The following SOHLH1 variants were observed in gnomAD, a reference collection of about 807,000 sequenced individuals.
The protein encoded by SOHLH1 is spermatogenesis and oogenesis specific basic helix-loop-helix 1, also known as spermatogenesis- and oogenesis-specific basic helix-loop-helix-containing protein 1.
In SOHLH1, 23 loss-of-function variants were observed where a neutral mutation model predicts 36.2. The observed-to-expected ratio is 0.64, with a 90% CI of 0.46 to 0.90. The LOEUF is 0.90. Ranked by LOEUF, SOHLH1 falls within the 40% of genes least tolerant of loss-of-function variation. SOHLH1 has a pLI of 0.00. For missense variants in SOHLH1, 608 were observed against 517.0 expected (o/e 1.18, Z -1.71); for synonymous variants, 289 against 228.3 (o/e 1.27, Z -2.40).
chr9:135,697,769 G>C (rs898174025), intron 3 of SOHLH1, 142 bp from the exon 4 acceptor site: 15 of 1,009,738 alleles, frequency 1.5e-5, no homozygotes, highest in Non-Finnish European at 1.8e-5. Context: ...CGAGAGTACA[G>C]GTTGACAACG....
At position 135,695,145 on chromosome 9, in the gene SOHLH1, G is replaced by T; in HGVS notation, c.780C>A (p.Ala260=). ...GCCCAGCCTGGCCCAGCCAGCCAAG[G>T]GCCTCCCCGCTCATCACGGGCAAGG... is the stretch of plus-strand genomic sequence containing the variant. ...QQTLPVMSGE[A]LGWLGQAGPL... is the part of the protein sequence containing the mutation. The change falls in exon 6 of 8, where the codon GCC becomes GCA. Residue 260 remains alanine (A), a synonymous_variant. Transcript: ENST00000425225. 2 of 1,599,656 alleles carry T rather than the reference G, an allele frequency of 1.3e-6. No individual in the cohort carries two copies. Among genetic ancestry groups the T allele is most frequent in the Non-Finnish European group, 1.7e-6 (2 of 1,174,998 alleles).
chr9:135,697,191 G>A (rs531814712), intron 4 of SOHLH1, among the ~76,000 whole-genome samples: 2 of 152,342 alleles, frequency 1.3e-5, no homozygotes, highest in South Asian at 2.1e-4. Flanking sequence ...CCCATGGGGA[G>A]GAGTATGACA....
chr9:135,694,458 C>G lies in SOHLH1; in HGVS notation c.876-1G>C. ...GTCCACATCAGACCCCAACGCAGAC[C>G]TGGAAGCGACAAGCTCTTCCTCAGT... On this transcript the variant is annotated splice_acceptor_variant, in intron 6 of 7. Transcript: ENST00000425225. LOFTEE classifies it high-confidence loss of function. 1 of 1,613,034 alleles carries G rather than the reference C, an allele frequency of 6.2e-7. No homozygotes were observed. The highest frequency in any genetic ancestry group is 8.5e-7 in the Non-Finnish European group (1 of 1,179,958).
At chr9:135,700,492 T>A (rs998901244), upstream of SOHLH1, among the ~76,000 whole-genome samples, 2 of 151,076 alleles carry the variant, frequency 1.3e-5, no homozygotes, top group Admixed American at 1.3e-4. Context: ...GCCTGGCTCG[T>A]GCTGAGGTCG....
At chr9:135,697,303 G>A (rs990991500) in intron 4 of SOHLH1, among the ~76,000 whole-genome samples, 3 of 152,144 alleles carry the variant, frequency 2.0e-5, no homozygotes, top group Admixed American at 6.5e-5. Flanking sequence ...TCTGCTGACC[G>A]CGCTCCCCCC....
chr9:135,700,406 G>C (rs1834990128), upstream of SOHLH1, among the ~76,000 whole-genome samples: 1 of 152,040 alleles, frequency 6.6e-6, no homozygotes, highest in Non-Finnish European at 1.5e-5. Context: ...CTTTCACGGA[G>C]GTTGCGGGGG....
chr9:135,693,536 C>A lies in SOHLH1; in HGVS notation c.*61G>T. ...CAAAATAAAATGCCCAAGCACGCGA[C>A]AGGGACACACACGGCTCCAGATCCA... On this transcript the variant is annotated 3_prime_UTR_variant, in exon 8 of 8. Transcript: ENST00000425225. 6.6e-7 allele frequency: 1 copy of A among 1,504,888 alleles called. No homozygotes were observed. Among genetic ancestry groups the A allele is most frequent in the Non-Finnish European group, 8.9e-7 (1 of 1,119,166 alleles). 93.2% of individuals were successfully genotyped at this position (1,504,888 alleles called of 1,614,324 possible).
upstream of SOHLH1, among the ~76,000 whole-genome samples, chr9:135,700,467 G>C (rs1042311207): frequency 2.0e-5 from 3 of 152,040 alleles, no homozygotes; most frequent in African/African-American, 7.2e-5. Context: ...CTGGACTGTT[G>C]GGAGGACATC....
upstream of SOHLH1, among the ~76,000 whole-genome samples, chr9:135,700,485 T>C (rs1251294912): frequency 1.3e-5 from 2 of 149,638 alleles, no homozygotes; most frequent in Admixed American, 6.7e-5. Flanking sequence ...ATCCCTGGCC[T>C]GGCTCGTGCT....
chr9:135,699,078 G>T lies in SOHLH1; in HGVS notation c.114C>A (p.Gly38=), dbSNP rs142235622. The change falls in exon 2 of 8, where the codon GGC becomes GGA. Residue 38 remains glycine (G), a synonymous_variant. Coordinates refer to ENST00000425225, the MANE Select transcript of SOHLH1 (RefSeq NM_001101677.2). ...CCGTAGGGGCCTTGGGCGGGCCCGAGCCCCGGGCCGAGTCCTCGCAGCAGG... is the reference window on the plus strand; with the variant it reads ...CCGTAGGGGCCTTGGGCGGGCCCGATCCCCGGGCCGAGTCCTCGCAGCAGG... ...ALSCCEDSAR[G]SGPPKAPTVA... is the part of the protein sequence containing the mutation. 1.4e-3 allele frequency: 2,246 copies of T among 1,610,508 alleles called. 7 individuals are homozygous for T. The highest frequency in any genetic ancestry group is 1.8e-3 in the Non-Finnish European group (2,171 of 1,179,522).
upstream of SOHLH1, among the ~76,000 whole-genome samples, chr9:135,701,692 C>G (rs898366415): frequency 1.3e-5 from 2 of 151,980 alleles, no homozygotes; most frequent in Non-Finnish European, 2.9e-5. Flanking sequence ...CGCCCACCCA[C>G]AGATGCCGCA....
At chr9:135,694,000 G>A (rs1347771676) in intron 7 of SOHLH1, 186 bp from the exon 8 acceptor site, 4 of 1,428,802 alleles carry the variant, frequency 2.8e-6, no homozygotes, top group Non-Finnish European at 3.6e-6. Flanking sequence ...ACACCTGTTG[G>A]ACCAGAACCA....
At chr9:135,694,970 G>A in intron 6 of SOHLH1, 80 bp downstream of exon 6, 4 of 1,426,712 alleles carry the variant, frequency 2.8e-6, no homozygotes, top group Non-Finnish European at 3.8e-6. Context: ...GCCCAAGCAG[G>A]ACTGGGAGGA....
chr9:135,694,991 GCTCA>G (rs1476224817), intron 6 of SOHLH1, 55 bp downstream of exon 6: 135 of 1,500,912 alleles, frequency 9.0e-5, no homozygotes, highest in Non-Finnish European at 1.2e-4. Context: ...GGTGGGACAG[GCTCA>G]CACACACATG....
At chr9:135,698,944 C>G (rs368934028) in intron 2 of SOHLH1, 51 bp downstream of exon 2, 9 of 1,610,362 alleles carry the variant, frequency 5.6e-6, no homozygotes, top group Non-Finnish European at 7.6e-6. Context: ...ATAATCTCAC[C>G]CGCTCCACCC....
chr9:135,693,896 G>A, intron 7 of SOHLH1, 82 bp from the exon 8 acceptor site: 2 of 1,490,782 alleles, frequency 1.3e-6, no homozygotes, highest in South Asian at 2.6e-5. Flanking sequence ...GAGGAACAGA[G>A]CTCCCACCTC....
chr9:135,702,082 C>G (rs1306733363), upstream of SOHLH1: 6 of 558,084 alleles, frequency 1.1e-5, no homozygotes, highest in Non-Finnish European at 1.9e-5. Context: ...GCCGCGGGTC[C>G]CGGCGCGGCC....
In SOHLH1 at chr9:135,699,151, G is replaced by C. The variant is rs911398988; in HGVS notation, c.66-25C>G. 2.5e-6 allele frequency: 4 copies of C among 1,575,786 alleles called. No individual in the cohort carries two copies. In the African/African-American group the frequency reaches 5.4e-5, roughly 21 times the overall value. ...GCTGCCGAGAAAGCCAAGAGCACCG[G>C]GCCCTGAGAACCCCAGAAAAGGCCA... On this transcript the variant is annotated intron_variant, in intron 1 of 7. Coordinates refer to ENST00000425225, the MANE Select transcript of SOHLH1 (RefSeq NM_001101677.2).
rs1422701588 is a variant in SOHLH1 at position 135,693,816 on chromosome 9, T to C, written c.947-2A>G. On this transcript the variant is annotated splice_acceptor_variant, in intron 7 of 7. Coordinates refer to ENST00000425225, the MANE Select transcript of SOHLH1 (RefSeq NM_001101677.2). LOFTEE classifies it high-confidence loss of function. ...TGCCTCCTCGACCCTCCAGAGACCC[T>C]GGAAGCAAACAGGACACATCGGCAG... 6.4e-7 allele frequency: 1 copy of C among 1,561,260 alleles called. No homozygotes were observed. Among genetic ancestry groups the C allele is most frequent in the Admixed American group, 1.9e-5 (1 of 53,900 alleles).
Sources: allele counts gnomAD v4.1 joint callset (sites outside exome capture counted in the v4.1 genomes callset), GRCh38; gene constraint gnomAD v4.1.1; transcripts MANE v1.5; gene names NCBI Gene and HGNC (gene_info 2026-07-23, HGNC 2026-07-21).